Variants in ITPR1 observed in about 807,000 individuals in gnomAD.
ITPR1 encodes the protein inositol 1,4,5-trisphosphate-gated calcium channel ITPR1.
A neutral mutation model predicts 318.4 loss-of-function variants in ITPR1; 96 were observed. The observed-to-expected ratio is 0.30, with a 90% CI of 0.26 to 0.36. The LOEUF is 0.36. ITPR1 is among the 10% of genes least tolerant of loss of function. The pLI, the probability that ITPR1 is intolerant of heterozygous loss-of-function variation, is 1.00. For synonymous variants in ITPR1, 1,312 were observed against 1,289.9 expected (o/e 1.02, Z -0.37); for missense variants, 2,440 against 3,460.2 (o/e 0.71, Z 7.40).
intron 15 of ITPR1, among the ~76,000 whole-genome samples, chr3:4,662,724 A>AAAT (rs772615299): frequency 1.3e-5 from 2 of 152,144 alleles, no homozygotes; most frequent in African/African-American, 2.4e-5. Context: ...CTCCATCTCA[A>AAAT]AATAATAATA....
At chr3:4,657,527 G>GGTGA (rs1031313677) in intron 12 of ITPR1, among the ~76,000 whole-genome samples, 2 of 151,274 alleles carry the variant, frequency 1.3e-5, no homozygotes, top group Non-Finnish European at 2.9e-5. Flanking sequence ...AAATGCGGTG[G>GGTGA]CGCGATCTCA....
intron 2 of ITPR1, among the ~76,000 whole-genome samples, chr3:4,505,702 G>A: frequency 6.6e-6 from 1 of 152,188 alleles, no homozygotes; most frequent in Non-Finnish European, 1.5e-5. Context: ...GGGCTAGGTG[G>A]CAAAGCTTGA....
At chr3:4,702,639 G>T (rs767409076) in intron 35 of ITPR1, among the ~76,000 whole-genome samples, 191 bp from the exon 36 acceptor site, 2 of 152,164 alleles carry the variant, frequency 1.3e-5, no homozygotes, top group African/African-American at 4.8e-5. Flanking sequence ...CCCTTGGCTA[G>T]GTAACTTATG....
intron 7 of ITPR1, among the ~76,000 whole-genome samples, chr3:4,643,005 G>A (rs1303380292): frequency 6.6e-6 from 1 of 152,162 alleles, no homozygotes; most frequent in Non-Finnish European, 1.5e-5. Flanking sequence ...TTTAAAACTG[G>A]TTTTGACACT....
At chr3:4,754,573 C>T (rs2044810634) in intron 44 of ITPR1, among the ~76,000 whole-genome samples, 3 of 152,228 alleles carry the variant, frequency 2.0e-5, no homozygotes, top group African/African-American at 4.8e-5. Flanking sequence ...GCATGTGTCT[C>T]CTGCAGCCCA....
intron 45 of ITPR1, among the ~76,000 whole-genome samples, chr3:4,767,276 T>G (rs1352166893): frequency 6.6e-6 from 1 of 152,222 alleles, no homozygotes; most frequent in African/African-American, 2.4e-5. Flanking sequence ...CAGGACTGTC[T>G]GGCTGTCCTG....
rs1429757216 is a variant in ITPR1 at position 4,825,945 on chromosome 3, G to T, written c.8028+7703G>T. The T allele has an allele frequency of 2.5e-5, 9 of 365,822 alleles. 1 individual carries two copies. Among genetic ancestry groups the T allele is most frequent in the South Asian group, 1.8e-4 (9 of 48,938 alleles). The allele number at this position is 365,822 out of a possible 1,614,324, so 22.7% of individuals were successfully genotyped here. A position where few individuals can be genotyped will look rare whatever the true frequency, so the allele number is the denominator to read the frequency against. On this transcript the variant is annotated intron_variant, in intron 60 of 61. Coordinates refer to ENST00000649015, the MANE Select transcript of ITPR1 (RefSeq NM_001378452.1). ...AGCAGTGACCGGAGCCACGAAATGA[G>T]CCTGAAAATTCACACAGCCATCATG...
rs186634607 is a variant in ITPR1 at position 4,766,217 on chromosome 3, T to G, written c.5545-313T>G. Among the ~76,000 whole-genome samples, 60 of 152,354 alleles carry G rather than the reference T, an allele frequency of 3.9e-4. 1 individual carries two copies. In the Middle Eastern group the frequency reaches 0.027, roughly 69 times the overall value. On this transcript the variant is annotated intron_variant, in intron 44 of 61. Coordinates refer to ENST00000649015, the MANE Select transcript of ITPR1 (RefSeq NM_001378452.1). Reference sequence around the variant, plus strand: ...AGTTTTCATTATTAACAGTGTTGTTTTGCGTGTGTGCAAGGGTGGAAGGGA... The same window carrying G: ...AGTTTTCATTATTAACAGTGTTGTTGTGCGTGTGTGCAAGGGTGGAAGGGA...
At chr3:4,667,251 C>A in intron 17 of ITPR1, 126 bp from the exon 18 acceptor site, 1 of 653,528 alleles carries the variant, frequency 1.5e-6, no homozygotes, top group Non-Finnish European at 2.5e-6. Context: ...AAGACCCTCC[C>A]TTATACTGTA....
chr3:4,516,695 A>G, intron 3 of ITPR1, 112 bp downstream of exon 3: 1 of 727,646 alleles, frequency 1.4e-6, no homozygotes. Context: ...TGGCTTTCTA[A>G]GTGCGGTTGA....
intron 59 of ITPR1, chr3:4,817,424 T>C (rs1019182153): frequency 8.5e-5 from 13 of 152,278 alleles, no homozygotes; most frequent in African/African-American, 2.7e-4. Context: ...GATGAATTCA[T>C]ACTGATACCT....
intron 4 of ITPR1, among the ~76,000 whole-genome samples, chr3:4,595,750 A>G (rs925227307): frequency 6.6e-6 from 1 of 152,132 alleles, no homozygotes; most frequent in East Asian, 1.9e-4. Flanking sequence ...AGAAGGTCGC[A>G]TGGCACCAAG....
At chr3:4,496,596 G>A (rs1452866668) in intron 2 of ITPR1, among the ~76,000 whole-genome samples, 5 of 152,220 alleles carry the variant, frequency 3.3e-5, no homozygotes, top group African/African-American at 4.8e-5. Flanking sequence ...GAAAAAAAGA[G>A]ATAGATGAAC....
chr3:4,683,970 A>C (rs2094345932), intron 28 of ITPR1, among the ~76,000 whole-genome samples, 172 bp downstream of exon 28: 1 of 152,234 alleles, frequency 6.6e-6, no homozygotes, highest in African/African-American at 2.4e-5. Context: ...TACGAATCAA[A>C]GTTTAGCTAT....
intron 44 of ITPR1, among the ~76,000 whole-genome samples, chr3:4,760,770 C>A (rs113066140): frequency 0.017 from 2,629 of 152,260 alleles, 41 homozygotes; most frequent in South Asian, 0.061. Context: ...TGAATGGAGT[C>A]CTTCTCACAT....
At chr3:4,681,522 G>C in intron 26 of ITPR1, 104 bp downstream of exon 26, 1 of 805,590 alleles carries the variant, frequency 1.2e-6, no homozygotes. Context: ...TCTGGGCTTA[G>C]GTTGTTTTGG....
intron 36 of ITPR1, 111 bp from the exon 37 acceptor site, chr3:4,706,056 G>A (rs1298092387): frequency 1.9e-6 from 2 of 1,063,910 alleles, no homozygotes; most frequent in South Asian, 1.5e-5. Flanking sequence ...AGGCAAGCTG[G>A]CCCATTCTGG....
At chr3:4,622,902 A>T (rs2092694573) in intron 4 of ITPR1, among the ~76,000 whole-genome samples, 1 of 152,258 alleles carries the variant, frequency 6.6e-6, no homozygotes, top group African/African-American at 2.4e-5. Context: ...CAAAACATAC[A>T]AAACAGACAG....
intron 4 of ITPR1, among the ~76,000 whole-genome samples, chr3:4,540,778 A>G (rs1465404766): frequency 1.3e-5 from 2 of 151,978 alleles, no homozygotes; most frequent in Non-Finnish European, 2.9e-5. Flanking sequence ...GTTTCAACAT[A>G]TTGCCCAGTC....
Sources: allele counts gnomAD v4.1 joint callset (sites outside exome capture counted in the v4.1 genomes callset), GRCh38; gene constraint gnomAD v4.1.1; transcripts MANE v1.5; gene names NCBI Gene and HGNC (gene_info 2026-07-23, HGNC 2026-07-21).